The following PUDP variants were observed in gnomAD, a reference collection of about 807,000 sequenced individuals.
PUDP encodes the protein pseudouridine 5'-phosphatase.
In PUDP, 8 loss-of-function variants were observed where a neutral mutation model predicts 9.4. The ratio of observed to expected loss-of-function variants is 0.85; its 90% CI spans 0.50 to 1.53. PUDP has a LOEUF of 1.53. PUDP is among the 40% of genes most tolerant of loss of function. The probability of loss-of-function intolerance (pLI) is 0.00; values close to 1 mark genes in which losing one functional copy is unlikely to be tolerated. For synonymous variants in PUDP, 99 were observed against 80.7 expected, an observed-to-expected ratio of 1.23 and a Z score of -1.22; for missense variants, 188 against 189.7, an observed-to-expected ratio of 0.99 and a Z score of 0.05.
At chrX:6,979,863 T>TA (rs1929007521) in intron 1 of PUDP, among the ~76,000 whole-genome samples, 1 of 111,661 alleles carries the variant, frequency 9.0e-6, no homozygotes, top group African/African-American at 3.2e-5. Flanking sequence ...GCTCTAGAAT[T>TA]AAAATTATAA....
At chrX:7,125,739 A>G (rs765420701) in intron 1 of PUDP, among the ~76,000 whole-genome samples, 40 of 112,057 alleles carry the variant, frequency 3.6e-4, no homozygotes, top group African/African-American at 1.3e-3. Flanking sequence ...GATGAAAGGC[A>G]CATCTCACTT....
intron 3 of PUDP, among the ~76,000 whole-genome samples, chrX:6,903,670 T>A (rs903647518): frequency 1.5e-4 from 17 of 111,268 alleles, no homozygotes; most frequent in Non-Finnish European, 2.8e-4. Context: ...CCATCTATCT[T>A]AAGGGAATTA....
At chrX:6,816,329 G>A (rs7055945) in intron 3 of PUDP, among the ~76,000 whole-genome samples, 3,098 of 103,275 alleles carry the variant, frequency 0.03, 118 homozygotes, top group African/African-American at 0.1. Context: ...TATGTACTAT[G>A]TGACACGTAT....
chrX:7,053,678 T>G (rs1386746759), intron 3 of PUDP, among the ~76,000 whole-genome samples: 2 of 111,701 alleles, frequency 1.8e-5, no homozygotes, highest in Non-Finnish European at 3.8e-5. Flanking sequence ...ATTTACCCAG[T>G]CTTGGGTATG....
At chrX:6,849,874 T>C (rs528997254) in intron 3 of PUDP, among the ~76,000 whole-genome samples, 2 of 112,341 alleles carry the variant, frequency 1.8e-5, no homozygotes, top group Admixed American at 1.9e-4. Context: ...CAATCCAGTT[T>C]CCTGACTGTG....
At chrX:6,876,974 C>T (rs193100072) in intron 3 of PUDP, among the ~76,000 whole-genome samples, 8 of 107,372 alleles carry the variant, frequency 7.5e-5, no homozygotes, top group East Asian at 3.1e-4. Flanking sequence ...CACACACACA[C>T]ACATAACACT....
At chrX:6,728,348 C>T (rs957379885) in intron 3 of PUDP, among the ~76,000 whole-genome samples, 1 of 111,077 alleles carries the variant, frequency 9.0e-6, no homozygotes, top group African/African-American at 3.3e-5. Flanking sequence ...CATAGAGAAA[C>T]ATAACACACA....
chrX:6,820,894 G>GC (rs1178403209), intron 3 of PUDP, among the ~76,000 whole-genome samples: 1 of 111,843 alleles, frequency 8.9e-6, no homozygotes, highest in Non-Finnish European at 1.9e-5. Context: ...ACTAGGCAGT[G>GC]CCCCAGTAGG....
At position 7,050,361 on chromosome X, in the gene PUDP, T is replaced by C. The variant is rs767059729; in HGVS notation, c.622A>G (p.Thr208Ala). 5.0e-6 allele frequency: 6 copies of C among 1,209,624 alleles called. No homozygotes were observed. In the South Asian group the frequency reaches 5.3e-5, roughly 11 times the overall value. ...TCCTGCAGGGAATTCAGCACCAGGG[T>C]GGCCTTTGTTGTCAGATCTCGGCTC... ...NLSRDLTTKA[T>A]LVLNSLQDFQ... The change falls in exon 4 of 4, where the codon ACC becomes GCC. Residue 208 changes from threonine to alanine, a missense_variant. Physicochemically the swap from Thr to Ala is moderately conservative, Grantham distance 58. Transcript: ENST00000381077.
intron 3 of PUDP, among the ~76,000 whole-genome samples, chrX:6,902,820 G>A (rs1927710799): frequency 8.9e-6 from 1 of 111,851 alleles, no homozygotes; most frequent in East Asian, 2.8e-4. Flanking sequence ...TTAACACATA[G>A]TTACAAAAGC....
At chrX:7,009,391 G>C (rs1446832379) in intron 1 of PUDP, among the ~76,000 whole-genome samples, 1 of 112,102 alleles carries the variant, frequency 8.9e-6, no homozygotes, top group Non-Finnish European at 1.9e-5. Flanking sequence ...CAAAAGAAAA[G>C]CTAAGGTAGT....
intron 1 of PUDP, among the ~76,000 whole-genome samples, chrX:7,024,935 A>C (rs1222634227): frequency 2.7e-5 from 3 of 109,271 alleles, no homozygotes; most frequent in Non-Finnish European, 3.8e-5. Context: ...GCATGATTAA[A>C]TAGATCACAG....
In PUDP at chrX:7,077,401, G is replaced by A; in HGVS notation, c.329C>T (p.Ala110Val). 1.7e-6 allele frequency: 2 copies of A among 1,211,273 alleles called. No individual in the cohort carries two copies. Among genetic ancestry groups the A allele is most frequent in the Non-Finnish European group, 1.1e-6 (1 of 895,131 alleles). Residue 110 changes from alanine to valine, a missense_variant, in exon 3 of 4, where the codon GCA becomes GTA. Transcript: ENST00000381077. ...CGCGGACCCCGAGCTGGTGGCCAGT[G>A]CAAAGGGGATGCCATGTTTCCGCAG... The part of the protein sequence containing the change: ...IHLRKHGIPF[A>V]LATSSGSASF...
At chrX:6,800,554 G>T (rs367631661) in intron 3 of PUDP, among the ~76,000 whole-genome samples, 1 of 111,701 alleles carries the variant, frequency 9.0e-6, no homozygotes, top group Non-Finnish European at 1.9e-5. Context: ...GCAATGTTTC[G>T]GTTCTCACCA....
chrX:7,100,273 C>T (rs1205757458), intron 2 of PUDP, among the ~76,000 whole-genome samples: 1 of 111,040 alleles, frequency 9.0e-6, no homozygotes, highest in South Asian at 3.9e-4. Flanking sequence ...CACCCTCCTG[C>T]AGCCTAATCA....
chrX:6,722,500 A>T (rs1924686108), upstream of PUDP, among the ~76,000 whole-genome samples: 1 of 111,659 alleles, frequency 9.0e-6, no homozygotes, highest in South Asian at 3.7e-4. Flanking sequence ...AAGAAAGTAT[A>T]TTAAAATATT....
intron 3 of PUDP, among the ~76,000 whole-genome samples, chrX:6,932,545 G>A (rs1200133975): frequency 7.2e-5 from 8 of 111,444 alleles, no homozygotes; most frequent in Admixed American, 1.9e-4. Flanking sequence ...CGTGAGCGAC[G>A]CAGAAGACGG....
chrX:7,108,917 T>C, intron 1 of PUDP, among the ~76,000 whole-genome samples: 1 of 112,349 alleles, frequency 8.9e-6, no homozygotes, highest in Admixed American at 9.4e-5. Flanking sequence ...TCCACCGTTC[T>C]GGATACTGCA....
intron 3 of PUDP, among the ~76,000 whole-genome samples, chrX:6,868,876 C>T (rs562881601): frequency 1.8e-5 from 2 of 112,251 alleles, no homozygotes; most frequent in African/African-American, 6.5e-5. Flanking sequence ...TCACTCTTCC[C>T]TGTCAGTCTT....
Sources: allele counts gnomAD v4.1 joint callset (sites outside exome capture counted in the v4.1 genomes callset), GRCh38; gene constraint gnomAD v4.1.1; transcripts MANE v1.5; gene names NCBI Gene and HGNC (gene_info 2026-07-23, HGNC 2026-07-21).